Variants in LRRC4C observed in about 807,000 individuals in gnomAD.
LRRC4C encodes the protein leucine rich repeat containing 4C.
A neutral mutation model predicts 33.6 loss-of-function variants in LRRC4C; 5 were observed. That is an observed-to-expected ratio of 0.15 (90% CI 0.08 to 0.31). The LOEUF is 0.31. Among genes scored for constraint, LRRC4C ranks in the 10% least tolerant of loss-of-function variants. The probability of loss-of-function intolerance (pLI) is 1.00; values close to 1 mark genes in which losing one functional copy is unlikely to be tolerated. For missense variants in LRRC4C, 560 were observed against 796.7 expected, an observed-to-expected ratio of 0.70 and a Z score of 3.58; for synonymous variants, 329 against 302.0, an observed-to-expected ratio of 1.09 and a Z score of -0.93.
At chr11:40,910,856 C>T (rs747375009) in intron 2 of LRRC4C, among the ~76,000 whole-genome samples, 13 of 152,116 alleles carry the variant, frequency 8.5e-5, no homozygotes, top group Non-Finnish European at 1.3e-4. Context: ...CCTAATACTG[C>T]GCTTTTCCAA....
At chr11:40,968,851 T>C (rs1429608167) in intron 1 of LRRC4C, among the ~76,000 whole-genome samples, 3 of 152,190 alleles carry the variant, frequency 2.0e-5, no homozygotes, top group Non-Finnish European at 4.4e-5. Context: ...AGGAGATTAC[T>C]GTTATTTTTT....
chr11:40,402,156 C>A (rs1949784215), intron 3 of LRRC4C, among the ~76,000 whole-genome samples: 1 of 152,012 alleles, frequency 6.6e-6, no homozygotes. Context: ...TAAAAGAAAG[C>A]AGTCTTATTT....
At chr11:40,434,678 G>T (rs957702181) in intron 3 of LRRC4C, among the ~76,000 whole-genome samples, 1 of 152,302 alleles carries the variant, frequency 6.6e-6, no homozygotes, top group African/African-American at 2.4e-5. Flanking sequence ...TCCATGCACA[G>T]TTGTTCTTCA....
intron 1 of LRRC4C, among the ~76,000 whole-genome samples, chr11:41,151,685 C>T (rs1944006413): frequency 6.6e-6 from 1 of 152,150 alleles, no homozygotes; most frequent in Non-Finnish European, 1.5e-5. Context: ...AGTATATATT[C>T]TGTCAACAAC....
At position 41,288,154 on chromosome 11, in the gene LRRC4C, T is replaced by C. The variant is rs1949887516; in HGVS notation, c.-496+171277A>G. 2.0e-5 allele frequency among the ~76,000 whole-genome samples: 3 copies of C among 152,170 alleles called. No homozygotes were observed. The South Asian group carries it at 6.2e-4, about 32-fold the overall frequency. Reference sequence around the variant, plus strand: ...CTATGAGGTGGCATGGTGAAACAAGTAGGCAAATAAACAACTACAACTTAT... The same window carrying C: ...CTATGAGGTGGCATGGTGAAACAAGCAGGCAAATAAACAACTACAACTTAT... On this transcript the variant is annotated intron_variant, in intron 1 of 6. Transcript: ENST00000528697.
intron 1 of LRRC4C, among the ~76,000 whole-genome samples, chr11:41,347,049 A>C (rs1288244215): frequency 2.0e-5 from 3 of 152,210 alleles, no homozygotes; most frequent in Non-Finnish European, 2.9e-5. Flanking sequence ...GTTTGATTTT[A>C]ATTAATTTGA....
chr11:40,739,963 A>C (rs1948082551), intron 2 of LRRC4C, among the ~76,000 whole-genome samples: 1 of 151,760 alleles, frequency 6.6e-6, no homozygotes, highest in Admixed American at 6.6e-5. Context: ...TATTTGTATA[A>C]TATATGCATA....
At chr11:40,882,177 G>A (rs545775255) in intron 2 of LRRC4C, among the ~76,000 whole-genome samples, 6 of 151,952 alleles carry the variant, frequency 3.9e-5, no homozygotes, top group Admixed American at 2.0e-4. Flanking sequence ...ATGACTAGCA[G>A]GCCTAAGCTT....
rs1037089610 is a variant in LRRC4C, at chr11:40,114,825, T to A, written c.1468A>T (p.Thr490Ser). The A allele has an allele frequency of 2.5e-6, 4 of 1,614,082 alleles. No homozygotes were observed. The highest frequency in any genetic ancestry group is 1.7e-6 in the Non-Finnish European group (2 of 1,179,988). The change falls in exon 7 of 7, where the codon ACC becomes TCC. Residue 490 changes from threonine to serine, a missense_variant. By Grantham distance (58) the Thr-to-Ser change is moderately conservative. This residue lies in a region of LRRC4C where 455 missense variants were observed against 643.8 expected (regional missense o/e 0.71). Transcript: ENST00000528697. ...PVVDWETTNV[T>S]TSLTPQSTRS... is the part of the protein sequence containing the mutation. ...GTGCTCTGTGGTGTGAGAGAGGTGGTCACATTGGTGGTCTCCCAGTCGACC... is the reference window on the plus strand; with the variant it reads ...GTGCTCTGTGGTGTGAGAGAGGTGGACACATTGGTGGTCTCCCAGTCGACC...
intron 1 of LRRC4C, among the ~76,000 whole-genome samples, chr11:41,385,240 G>C (rs553553951): frequency 4.0e-5 from 6 of 151,302 alleles, no homozygotes; most frequent in Non-Finnish European, 7.4e-5. Flanking sequence ...CCAATTTAAA[G>C]AATATGATAA....
intron 2 of LRRC4C, among the ~76,000 whole-genome samples, chr11:40,813,603 T>C (rs1951582952): frequency 6.6e-6 from 1 of 152,072 alleles, no homozygotes; most frequent in Admixed American, 6.6e-5. Flanking sequence ...TCAAAACCAA[T>C]CATGCCTTCC....
chr11:40,830,203 G>A (rs1220739140), intron 2 of LRRC4C, among the ~76,000 whole-genome samples: 1 of 152,090 alleles, frequency 6.6e-6, no homozygotes, highest in Non-Finnish European at 1.5e-5. Flanking sequence ...GGTTGAATAT[G>A]GATGAATATT....
intron 1 of LRRC4C, among the ~76,000 whole-genome samples, chr11:41,134,808 A>G (rs2135863466): frequency 6.6e-6 from 1 of 152,310 alleles, no homozygotes; most frequent in Admixed American, 6.5e-5. Context: ...AGGTTAGGAC[A>G]TCAACATATC....
chr11:40,150,421 G>C (rs572986480), intron 5 of LRRC4C, among the ~76,000 whole-genome samples: 4 of 152,176 alleles, frequency 2.6e-5, no homozygotes, highest in Admixed American at 2.6e-4. Context: ...AACTCATAGA[G>C]AATTTTACAT....
intron 1 of LRRC4C, among the ~76,000 whole-genome samples, chr11:40,989,607 G>C (rs971563502): frequency 6.6e-6 from 1 of 152,134 alleles, no homozygotes; most frequent in Non-Finnish European, 1.5e-5. Flanking sequence ...GGGAAGGCTT[G>C]AAGTTGATCT....
At chr11:40,755,996 T>C (rs961675837) in intron 2 of LRRC4C, among the ~76,000 whole-genome samples, 4 of 152,050 alleles carry the variant, frequency 2.6e-5, no homozygotes, top group African/African-American at 9.7e-5. Flanking sequence ...TGTTTCAATC[T>C]GACTGGCTTC....
intron 5 of LRRC4C, among the ~76,000 whole-genome samples, chr11:40,234,223 A>G (rs927261610): frequency 6.6e-6 from 1 of 152,208 alleles, no homozygotes. Context: ...CTAACAATGC[A>G]AGGCACAATG....
intron 1 of LRRC4C, among the ~76,000 whole-genome samples, chr11:41,448,628 T>A (rs1590317437): frequency 6.6e-6 from 1 of 152,260 alleles, no homozygotes; most frequent in African/African-American, 2.4e-5. Context: ...AAACTTTAAA[T>A]CTTATTCTTA....
intron 1 of LRRC4C, among the ~76,000 whole-genome samples, chr11:40,986,100 T>C (rs1381467959): frequency 6.6e-6 from 1 of 152,186 alleles, no homozygotes; most frequent in Admixed American, 6.5e-5. Context: ...CACATTATAT[T>C]TGCAACATTT....
Sources: gnomAD v4.1 joint callset for allele counts (sites outside exome capture counted in the v4.1 genomes callset) on GRCh38, gnomAD v4.1.1 for gene constraint, gnomAD v4.1.1 regional missense constraint, MANE v1.5 for transcripts, NCBI Gene and HGNC (gene_info 2026-07-23, HGNC 2026-07-21) for gene names.